EPHB2: variants seen among roughly 807,000 people sequenced by gnomAD.
EPHB2 encodes EPH receptor B2.
A neutral mutation model predicts 96.4 loss-of-function variants in EPHB2; 18 were observed. The observed-to-expected ratio is 0.19, with a 90% CI of 0.13 to 0.28. The LOEUF is 0.28. Ranked by LOEUF, EPHB2 falls within the 10% of genes least tolerant of loss-of-function variation. The pLI is 1.00. For synonymous variants in EPHB2, 506 were observed against 534.1 expected, an observed-to-expected ratio of 0.95 and a Z score of 0.72; for missense variants, 989 against 1,355.4, an observed-to-expected ratio of 0.73 and a Z score of 4.25.
chr1:22,811,410 G>A (rs561060966), intron 3 of EPHB2, among the ~76,000 whole-genome samples: 1 of 152,300 alleles, frequency 6.6e-6, no homozygotes, highest in African/African-American at 2.4e-5. Context: ...CGATGTCCAG[G>A]CCAGGTTTAG....
intron 8 of EPHB2, among the ~76,000 whole-genome samples, chr1:22,896,201 T>C (rs964611964): frequency 2.0e-5 from 3 of 151,728 alleles, no homozygotes; most frequent in Non-Finnish European, 4.4e-5. Context: ...GAAGGGGGCT[T>C]GGCTGGAGGG....
At chr1:22,826,985 T>G (rs2148481249) in intron 3 of EPHB2, among the ~76,000 whole-genome samples, 1 of 152,356 alleles carries the variant, frequency 6.6e-6, no homozygotes, top group Middle Eastern at 3.4e-3. Flanking sequence ...CTCCAGTTGA[T>G]CTTTGCTTTC....
intron 3 of EPHB2, among the ~76,000 whole-genome samples, chr1:22,815,862 T>A (rs1393089084): frequency 6.6e-6 from 1 of 152,188 alleles, no homozygotes; most frequent in Non-Finnish European, 1.5e-5. Context: ...AACTGACGGC[T>A]GTCTAAGCTC....
intron 3 of EPHB2, among the ~76,000 whole-genome samples, chr1:22,824,474 A>G (rs758876789): frequency 2.0e-5 from 3 of 152,148 alleles, no homozygotes; most frequent in Non-Finnish European, 4.4e-5. Flanking sequence ...CTTCCTTTCC[A>G]TGGGTCCAGG....
intron 6 of EPHB2, among the ~76,000 whole-genome samples, chr1:22,890,530 TTGTC>T (rs900726595): frequency 5.3e-5 from 8 of 152,122 alleles, no homozygotes; most frequent in African/African-American, 1.9e-4. Flanking sequence ...ATGCACATCT[TTGTC>T]TGGGTGGTTC....
At chr1:22,759,388 C>A (rs898207865) in intron 1 of EPHB2, among the ~76,000 whole-genome samples, 17 of 151,548 alleles carry the variant, frequency 1.1e-4, no homozygotes, top group Non-Finnish European at 2.4e-4. Context: ...ACCTGTTACT[C>A]TTTATTGCAC....
Position 22,751,211 on chromosome 1 carries a change from C to G in EPHB2, c.62-30210C>G, listed in dbSNP as rs1432454693. On this transcript the variant is annotated intron_variant, in intron 1 of 15. Coordinates refer to ENST00000374630, the MANE Select transcript of EPHB2 (RefSeq NM_017449.5). ...TCTGAAGAACAGAGAGGGGATGGGACCTAGCAGAGGTCACACAGCGAGTGA... is the reference window on the plus strand; with the variant it reads ...TCTGAAGAACAGAGAGGGGATGGGAGCTAGCAGAGGTCACACAGCGAGTGA... Among the ~76,000 whole-genome samples the G allele has an allele frequency of 3.3e-5, 5 of 152,180 alleles. No individual in the cohort carries two copies. In the East Asian group the frequency reaches 7.7e-4, roughly 23 times the overall value.
rs2124007552 is a variant in EPHB2 at position 22,896,456 on chromosome 1, G to A, written c.1743G>A (p.Leu581=). ...CTGACTCGGAGTACACGGACAAGCT[G>A]CAACACTACACCAGTGGCCACAGTA... ...ERADSEYTDK[L]QHYTSGHMTP... Residue 581 remains leucine, a synonymous_variant, in exon 9 of 16, where the codon CTG becomes CTA. Coordinates refer to ENST00000374630, the MANE Select transcript of EPHB2 (RefSeq NM_017449.5). 1.2e-6 allele frequency: 2 copies of A among 1,614,152 alleles called. No homozygotes were observed. The highest frequency in any genetic ancestry group is 1.7e-6 in the Non-Finnish European group (2 of 1,180,020).
At chr1:22,833,789 CAG>C (rs1303570053) in intron 3 of EPHB2, among the ~76,000 whole-genome samples, 1 of 152,010 alleles carries the variant, frequency 6.6e-6, no homozygotes, top group Non-Finnish European at 1.5e-5. Flanking sequence ...TGTTAAAAAA[CAG>C]AAATTCATAG....
rs190339867 is a variant in EPHB2, at chr1:22,824,923, A to G, written c.812-38114A>G. Among the ~76,000 whole-genome samples, 43 of 152,366 alleles carry G rather than the reference A, an allele frequency of 2.8e-4. No individual in the cohort carries two copies. In the East Asian group the frequency reaches 7.9e-3, roughly 28 times the overall value. On this transcript the variant is annotated intron_variant, in intron 3 of 15. Coordinates refer to ENST00000374630, the MANE Select transcript of EPHB2 (RefSeq NM_017449.5). The stretch of plus-strand genomic sequence containing the variant: ...ATTGCCAGACAGCCCAGCGATGGGC[A>G]GAGCTGGTAACAGAGCCTGGCTCCT...
At chr1:22,748,373 G>A (rs1046075228) in intron 1 of EPHB2, among the ~76,000 whole-genome samples, 4 of 149,510 alleles carry the variant, frequency 2.7e-5, no homozygotes, top group African/African-American at 1.0e-4. Context: ...GGGCTTTCTG[G>A]GTCCTTTTTT....
At chr1:22,782,479 T>G (rs1644548400) in intron 2 of EPHB2, among the ~76,000 whole-genome samples, 4 of 130,862 alleles carry the variant, frequency 3.1e-5, no homozygotes, top group East Asian at 2.8e-4. Context: ...CCCAGGCCTG[T>G]GCTCTCAATA....
intron 12 of EPHB2, among the ~76,000 whole-genome samples, 158 bp from the exon 13 acceptor site, chr1:22,908,864 C>T (rs181991728): frequency 1.8e-4 from 27 of 152,184 alleles, no homozygotes; most frequent in African/African-American, 5.8e-4. Flanking sequence ...ATGCAGAGGG[C>T]GCAAATGCCC....
At chr1:22,789,701 T>C (rs1436923337) in intron 3 of EPHB2, among the ~76,000 whole-genome samples, 1 of 152,204 alleles carries the variant, frequency 6.6e-6, no homozygotes, top group Non-Finnish European at 1.5e-5. Flanking sequence ...GAGTTTTTTG[T>C]CTGAGTGGGT....
intron 3 of EPHB2, among the ~76,000 whole-genome samples, chr1:22,807,670 G>T (rs1172371582): frequency 6.6e-6 from 1 of 152,148 alleles, no homozygotes; most frequent in Admixed American, 6.5e-5. Context: ...TTACACAGTG[G>T]CAGTGCCCTA....
intron 1 of EPHB2, among the ~76,000 whole-genome samples, chr1:22,772,319 G>A (rs559984278): frequency 3.3e-5 from 5 of 152,240 alleles, no homozygotes; most frequent in South Asian, 2.1e-4. Flanking sequence ...GGACTCCTCC[G>A]CCTAGGCCTG....
At chr1:22,818,028 G>A (rs1263960082) in intron 3 of EPHB2, among the ~76,000 whole-genome samples, 3 of 152,158 alleles carry the variant, frequency 2.0e-5, no homozygotes, top group Admixed American at 6.5e-5. Context: ...AAATGTCTGG[G>A]CTTTGGGATT....
At chr1:22,792,767 C>A (rs970143678) in intron 3 of EPHB2, among the ~76,000 whole-genome samples, 3 of 152,166 alleles carry the variant, frequency 2.0e-5, no homozygotes, top group African/African-American at 4.8e-5. Context: ...CCATGATGAC[C>A]CCTGCCCCCA....
intron 5 of EPHB2, among the ~76,000 whole-genome samples, chr1:22,878,578 C>T (rs1638922083): frequency 6.6e-6 from 1 of 152,240 alleles, no homozygotes; most frequent in East Asian, 1.9e-4. Context: ...GCCCAGCACC[C>T]CACTCAGACC....
Sources: allele counts gnomAD v4.1 joint callset (sites outside exome capture counted in the v4.1 genomes callset), GRCh38; gene constraint gnomAD v4.1.1; transcripts MANE v1.5; gene names NCBI Gene and HGNC (gene_info 2026-07-23, HGNC 2026-07-21).